KCNIP4: variants seen among roughly 807,000 people sequenced by gnomAD.
KCNIP4 encodes the protein potassium voltage-gated channel interacting protein 4.
KCNIP4 carries 12 observed loss-of-function variants against 34.0 expected under a neutral mutation model. The ratio of observed to expected loss-of-function variants is 0.35; its 90% CI spans 0.23 to 0.57. The LOEUF (loss-of-function observed/expected upper bound fraction) is 0.57, where lower values mean the gene tolerates loss of function less well. KCNIP4 is among the 20% of genes least tolerant of loss of function. The probability of loss-of-function intolerance (pLI) is 0.83; values close to 1 mark genes in which losing one functional copy is unlikely to be tolerated. For missense variants in KCNIP4, 238 were observed against 311.7 expected, an observed-to-expected ratio of 0.76 and a Z score of 1.78; for synonymous variants, 124 against 102.2, an observed-to-expected ratio of 1.21 and a Z score of -1.29.
rs183424748 is a variant in KCNIP4, at chr4:21,933,371, G to A, written c.61+15200C>T. 1.3e-4 allele frequency among the ~76,000 whole-genome samples: 20 copies of A among 152,144 alleles called. No homozygotes were observed. In the East Asian group the frequency reaches 3.7e-3, roughly 28 times the overall value. On this transcript the variant is annotated intron_variant, in intron 1 of 8. Transcript: ENST00000382152. Reference sequence around the variant, plus strand: ...TCTTTTTGCAGGGGTGGAATGGGGGGATGGGAAGGACCTCCTCATTTCACG... The same window carrying A: ...TCTTTTTGCAGGGGTGGAATGGGGGAATGGGAAGGACCTCCTCATTTCACG...
At chr4:21,357,838 T>C (rs1342832392) in intron 1 of KCNIP4, among the ~76,000 whole-genome samples, 1 of 152,208 alleles carries the variant, frequency 6.6e-6, no homozygotes, top group Non-Finnish European at 1.5e-5. Flanking sequence ...CAAAGGATTA[T>C]AAATTATGCT....
chr4:21,841,356 T>C (rs1018327638), intron 1 of KCNIP4, among the ~76,000 whole-genome samples: 1 of 152,206 alleles, frequency 6.6e-6, no homozygotes, highest in African/African-American at 2.4e-5. Context: ...ACCTGGTCTC[T>C]TTTTAAACAC....
At chr4:20,885,844 T>G (rs898895110) in intron 1 of KCNIP4, among the ~76,000 whole-genome samples, 5 of 152,204 alleles carry the variant, frequency 3.3e-5, no homozygotes, top group Admixed American at 1.3e-4. Flanking sequence ...TCTCAGGGCC[T>G]TTTCACATGC....
Position 20,740,436 on chromosome 4 carries a change from C to G in KCNIP4, c.430-5701G>C, listed in dbSNP as rs141830812. On this transcript the variant is annotated intron_variant, in intron 5 of 8. Coordinates refer to ENST00000382152, the MANE Select transcript of KCNIP4 (RefSeq NM_025221.6). ...TGGGGGCCAATATTCAACACTCTTA[C>G]AGAATTTTCAACCCAGAATTTCATA... Among the ~76,000 whole-genome samples the G allele has an allele frequency of 1.4e-4, 21 of 149,260 alleles. No individual in the cohort carries two copies. The East Asian group carries it at 4.0e-3, about 28-fold the overall frequency.
intron 1 of KCNIP4, chr4:21,848,267 C>T (rs1198931515): frequency 6.6e-6 from 1 of 152,116 alleles, no homozygotes; most frequent in African/African-American, 2.4e-5. Flanking sequence ...TTTGGGAGGA[C>T]TGTTTTAGAC....
intron 3 of KCNIP4, among the ~76,000 whole-genome samples, chr4:20,765,386 G>A (rs1755308568): frequency 1.3e-5 from 2 of 152,178 alleles, no homozygotes; most frequent in African/African-American, 2.4e-5. Flanking sequence ...TCACAGCTGC[G>A]TTGGAGAGAG....
chr4:21,536,773 T>A (rs79589788), intron 1 of KCNIP4, among the ~76,000 whole-genome samples: 8,901 of 150,972 alleles, frequency 0.059, 424 homozygotes, highest in South Asian at 0.21. Context: ...AGGATGAGAC[T>A]CTGTTTCAAA....
At chr4:21,600,918 A>G (rs1743072176) in intron 1 of KCNIP4, among the ~76,000 whole-genome samples, 1 of 151,980 alleles carries the variant, frequency 6.6e-6, no homozygotes, top group Admixed American at 6.6e-5. Context: ...AAATCCCACA[A>G]AGACACCAAA....
intron 1 of KCNIP4, chr4:21,845,814 G>A (rs189269956): frequency 1.3e-5 from 2 of 152,098 alleles, no homozygotes; most frequent in Non-Finnish European, 2.9e-5. Flanking sequence ...TAACTCATTC[G>A]ACTTTGAAAT....
chr4:21,756,015 G>A (rs1202742345), intron 1 of KCNIP4, among the ~76,000 whole-genome samples: 1 of 152,110 alleles, frequency 6.6e-6, no homozygotes, highest in African/African-American at 2.4e-5. Context: ...AATTTTATCA[G>A]CCCAACTCCT....
chr4:20,901,463 A>C (rs943184967), intron 1 of KCNIP4, among the ~76,000 whole-genome samples: 2 of 152,246 alleles, frequency 1.3e-5, no homozygotes, highest in East Asian at 3.8e-4. Flanking sequence ...TTGTATGCAC[A>C]TTAAATTGTG....
chr4:20,849,324 G>A (rs1388242183), intron 3 of KCNIP4, among the ~76,000 whole-genome samples: 7 of 151,912 alleles, frequency 4.6e-5, no homozygotes, highest in Non-Finnish European at 1.0e-4. Context: ...CCAGGGCAAG[G>A]AGAAGGGGCT....
intron 1 of KCNIP4, among the ~76,000 whole-genome samples, chr4:21,932,628 T>C (rs1488554203): frequency 6.6e-6 from 1 of 152,066 alleles, no homozygotes; most frequent in Non-Finnish European, 1.5e-5. Context: ...TTTACTGGTG[T>C]TCTGACAGAA....
chr4:21,427,183 A>G (rs191865052), intron 1 of KCNIP4, among the ~76,000 whole-genome samples: 87 of 152,290 alleles, frequency 5.7e-4, no homozygotes, highest in Middle Eastern at 3.4e-3. Context: ...TGTGTCTGTG[A>G]GGAAATTTTA....
Position 21,638,081 on chromosome 4 carries a change from G to T in KCNIP4, c.61+310490C>A, listed in dbSNP as rs571079021. 2.6e-5 allele frequency among the ~76,000 whole-genome samples: 4 copies of T among 152,208 alleles called. No individual in the cohort carries two copies. In the South Asian group the frequency reaches 8.3e-4, roughly 32 times the overall value. ...GACAATATAACACATCAGTACTTTT[G>T]GAGGTTCAAAAGATGCTAATGATAA... On this transcript the variant is annotated intron_variant, in intron 1 of 8. Coordinates refer to ENST00000382152, the MANE Select transcript of KCNIP4 (RefSeq NM_025221.6).
At chr4:21,143,565 A>G (rs1752129839) in intron 1 of KCNIP4, among the ~76,000 whole-genome samples, 1 of 116,676 alleles carries the variant, frequency 8.6e-6, no homozygotes, top group Non-Finnish European at 1.9e-5. Context: ...GATAAGCTAG[A>G]CACTTGATCT....
intron 1 of KCNIP4, chr4:20,983,967 G>T: frequency 6.5e-7 from 1 of 1,531,198 alleles, no homozygotes. Flanking sequence ...GACCCCTTTG[G>T]AGTGGAGGGA....
chr4:20,769,872 G>A (rs1379050837), intron 3 of KCNIP4, among the ~76,000 whole-genome samples: 1 of 152,124 alleles, frequency 6.6e-6, no homozygotes, highest in Non-Finnish European at 1.5e-5. Context: ...AAGGCCTGTT[G>A]AGTCCTTCTC....
chr4:20,792,785 A>G (rs545599849), intron 3 of KCNIP4, among the ~76,000 whole-genome samples: 10 of 152,312 alleles, frequency 6.6e-5, no homozygotes, highest in African/African-American at 2.2e-4. Flanking sequence ...AATTACAAAG[A>G]GAAATAGATG....
Sources: allele counts gnomAD v4.1 joint callset (sites outside exome capture counted in the v4.1 genomes callset), GRCh38; gene constraint gnomAD v4.1.1; transcripts MANE v1.5; gene names NCBI Gene and HGNC (gene_info 2026-07-23, HGNC 2026-07-21).